Variants in RASEF observed in about 807,000 individuals in gnomAD.
RASEF encodes the protein RAS and EF-hand domain containing.
In RASEF, 68 loss-of-function variants were observed where a neutral mutation model predicts 90.1. That is an observed-to-expected ratio of 0.75 (90% CI 0.62 to 0.92). RASEF has a LOEUF of 0.92. Ranked by LOEUF, RASEF falls within the 40% of genes least tolerant of loss-of-function variation. The probability of loss-of-function intolerance (pLI) is 0.00; values close to 1 mark genes in which losing one functional copy is unlikely to be tolerated. For synonymous variants in RASEF, 331 were observed against 345.2 expected (o/e 0.96, Z 0.46); for missense variants, 949 against 937.2 (o/e 1.01, Z -0.16).
chr9:83,196,170 A>G, the RASEF span, among the ~76,000 whole-genome samples: 1 of 152,152 alleles, frequency 6.6e-6, no homozygotes, highest in South Asian at 2.1e-4. Context: ...GGAATTGAAC[A>G]TATTCAATTT....
chr9:83,028,360 T>A (rs1489873065), intron 1 of RASEF, among the ~76,000 whole-genome samples: 8 of 152,186 alleles, frequency 5.3e-5, no homozygotes, highest in Admixed American at 5.2e-4. Context: ...GCTCGTCTAG[T>A]TTTTGGGCAG....
intron 1 of RASEF, chr9:83,054,701 G>A (rs1229093674): frequency 7.3e-6 from 1 of 136,466 alleles, no homozygotes; most frequent in Non-Finnish European, 1.6e-5. Context: ...CTTTGATGAT[G>A]GTGATGTACA....
At chr9:83,062,339 AG>A (rs10573978) in intron 1 of RASEF, 97 bp downstream of exon 1, 425,719 of 1,056,374 alleles carry the variant, frequency 0.4, 79,970 homozygotes, top group Admixed American at 0.48. Context: ...AGAGAAGACT[AG>A]GGGGGGGGGC....
At chr9:82,984,042 A>C (rs1423325995) in intron 16 of RASEF, among the ~76,000 whole-genome samples, 1 of 152,238 alleles carries the variant, frequency 6.6e-6, no homozygotes, top group East Asian at 1.9e-4. Flanking sequence ...GGGATGGTTT[A>C]TGATGAAGCA....
chr9:83,120,755 T>C, the RASEF span, among the ~76,000 whole-genome samples: 2 of 152,202 alleles, frequency 1.3e-5, no homozygotes, highest in African/African-American at 2.4e-5. Context: ...GTTGATGCCA[T>C]GGACAGTAAC....
intron 1 of RASEF, among the ~76,000 whole-genome samples, chr9:83,039,640 A>G (rs1465404584): frequency 6.6e-6 from 1 of 152,198 alleles, no homozygotes; most frequent in African/African-American, 2.4e-5. Context: ...AGGAGATTCT[A>G]GAAAGCACAG....
intron 1 of RASEF, among the ~76,000 whole-genome samples, chr9:83,043,534 G>GT (rs1316268715): frequency 3.3e-5 from 5 of 152,136 alleles, no homozygotes; most frequent in African/African-American, 1.2e-4. Flanking sequence ...TTTGCATGTG[G>GT]TTTTGTCTTT....
chr9:83,005,354 T>C, intron 8 of RASEF, 62 bp downstream of exon 8: 3 of 1,192,178 alleles, frequency 2.5e-6, no homozygotes, highest in Non-Finnish European at 3.8e-6. Context: ...ATTATTTTCA[T>C]CAACACCAAA....
the RASEF span, among the ~76,000 whole-genome samples, chr9:83,162,803 G>A: frequency 6.6e-6 from 1 of 152,138 alleles, no homozygotes; most frequent in African/African-American, 2.4e-5. Flanking sequence ...ACTGTAATTG[G>A]CAAATTGCTG....
the RASEF span, among the ~76,000 whole-genome samples, chr9:83,148,780 T>A: frequency 1.3e-5 from 2 of 152,234 alleles, no homozygotes; most frequent in Non-Finnish European, 2.9e-5. Flanking sequence ...GCATATTTTT[T>A]ATACAATCCC....
At chr9:83,057,110 T>A (rs1304105711) in intron 1 of RASEF, among the ~76,000 whole-genome samples, 1 of 152,052 alleles carries the variant, frequency 6.6e-6, no homozygotes, top group Admixed American at 6.5e-5. Context: ...AAAGGTTCAT[T>A]CCCCCTACAA....
chr9:83,089,882 T>TATAGATAG, the RASEF span, among the ~76,000 whole-genome samples: 29 of 147,912 alleles, frequency 2.0e-4, no homozygotes, highest in African/African-American at 7.3e-4. Context: ...TCTGGGACTT[T>TATAGATAG]ATAGATAGAT....
At chr9:83,094,286 C>T in the RASEF span, among the ~76,000 whole-genome samples, 1 of 151,076 alleles carries the variant, frequency 6.6e-6, no homozygotes, top group East Asian at 1.9e-4. Flanking sequence ...ATGAAATACC[C>T]ACAACATTGT....
At position 83,057,327 on chromosome 9, in the gene RASEF, C is replaced by T. The variant is rs781650428; in HGVS notation, c.431+5110G>A. ...TAAAAGACTCCTAAGCTTTGATAAA[C>T]GAATTCAGTTAATTCTCAGGATACA... On this transcript the variant is annotated intron_variant, in intron 1 of 16. Transcript: ENST00000376447. Among the ~76,000 whole-genome samples the T allele has an allele frequency of 5.3e-5, 8 of 152,220 alleles. No homozygotes were observed. In the South Asian group the frequency reaches 1.5e-3, roughly 28 times the overall value.
At chr9:83,182,835 T>C in the RASEF span, among the ~76,000 whole-genome samples, 2 of 152,118 alleles carry the variant, frequency 1.3e-5, no homozygotes, top group Non-Finnish European at 2.9e-5. Flanking sequence ...AAACAAAACA[T>C]GATATATCCA....
the RASEF span, among the ~76,000 whole-genome samples, chr9:83,215,938 C>G: frequency 6.6e-6 from 1 of 152,220 alleles, no homozygotes; most frequent in African/African-American, 2.4e-5. Flanking sequence ...AACGTGGTCT[C>G]AGATACAGAT....
At chr9:83,189,844 C>T in the RASEF span, among the ~76,000 whole-genome samples, 1 of 152,156 alleles carries the variant, frequency 6.6e-6, no homozygotes, top group Admixed American at 6.5e-5. Flanking sequence ...ATCAATTCAA[C>T]CATCAAAAAT....
At chr9:82,990,245 A>C in intron 16 of RASEF, 146 bp downstream of exon 16, 1 of 553,062 alleles carries the variant, frequency 1.8e-6, no homozygotes, top group Non-Finnish European at 3.2e-6. Flanking sequence ...CAGTTTTTAT[A>C]ATATCCACAT....
the RASEF span, among the ~76,000 whole-genome samples, chr9:83,112,156 A>C: frequency 6.6e-6 from 1 of 152,094 alleles, no homozygotes; most frequent in African/African-American, 2.4e-5. Context: ...ATAATGTAAT[A>C]ATGCTAGCAA....
Sources: gnomAD v4.1 joint callset for allele counts (sites outside exome capture counted in the v4.1 genomes callset) on GRCh38, gnomAD v4.1.1 for gene constraint, MANE v1.5 for transcripts, NCBI Gene and HGNC (gene_info 2026-07-23, HGNC 2026-07-21) for gene names.